Variants in FNBP1 observed in about 807,000 individuals in gnomAD.
FNBP1 encodes formin-binding protein 1.
In FNBP1, 26 loss-of-function variants were observed where a neutral mutation model predicts 90.6. The observed-to-expected ratio is 0.29, with a 90% CI of 0.21 to 0.40. The LOEUF (loss-of-function observed/expected upper bound fraction) is 0.40. Among genes scored for constraint, FNBP1 ranks in the 10% least tolerant of loss-of-function variants. FNBP1 has a pLI of 1.00. For synonymous variants in FNBP1, 260 were observed against 265.2 expected, an observed-to-expected ratio of 0.98 and a Z score of 0.19; for missense variants, 635 against 768.0, an observed-to-expected ratio of 0.83 and a Z score of 2.05.
In FNBP1 at chr9:129,896,044, G is replaced by C. The variant is rs765861031; in HGVS notation, c.1688-48C>G. On this transcript the variant is annotated intron_variant, in intron 15 of 16. Coordinates refer to ENST00000446176, the MANE Select transcript of FNBP1 (RefSeq NM_015033.3). ...TGTTAGATGTCTTGGCAAATGCAGG[G>C]AGGAAGCAAACAGTGGCCTTCGCAA... is the stretch of plus-strand genomic sequence containing the variant. The C allele has an allele frequency of 1.3e-5, 20 of 1,542,094 alleles. No homozygotes were observed. The South Asian group carries it at 1.5e-4, about 11-fold the overall frequency.
chr9:129,969,681 G>A (rs567176995), intron 4 of FNBP1, among the ~76,000 whole-genome samples: 159 of 151,798 alleles, frequency 1.0e-3, no homozygotes, highest in Admixed American at 3.7e-3. Flanking sequence ...AGGCCGACGC[G>A]GGAAGATTGC....
chr9:129,925,218 A>C, intron 8 of FNBP1, 61 bp from the exon 9 acceptor site: 2 of 1,387,210 alleles, frequency 1.4e-6, no homozygotes, highest in Non-Finnish European at 2.0e-6. Context: ...TTTTTAAACA[A>C]TGAATTGGCC....
At chr9:129,971,442 G>C (rs1018903020) in intron 4 of FNBP1, among the ~76,000 whole-genome samples, 1 of 152,000 alleles carries the variant, frequency 6.6e-6, no homozygotes, top group Non-Finnish European at 1.5e-5. Context: ...TCAGGCTGGA[G>C]TGCAGTGGTG....
intron 2 of FNBP1, among the ~76,000 whole-genome samples, chr9:129,983,448 CA>C (rs1193986049): frequency 6.6e-6 from 1 of 151,854 alleles, no homozygotes; most frequent in Non-Finnish European, 1.5e-5. Flanking sequence ...AGAACTGCTA[CA>C]AAAAAAAGAT....
intron 1 of FNBP1, chr9:130,013,765 T>G: frequency 2.2e-6 from 1 of 456,616 alleles, no homozygotes; most frequent in South Asian, 1.5e-5. Context: ...AAATAAAAGA[T>G]GGCAGAGCCC....
chr9:129,958,985 CAA>C (rs60640596), intron 4 of FNBP1, among the ~76,000 whole-genome samples: 93 of 9,152 alleles, frequency 0.01, 3 homozygotes, highest in Admixed American at 0.013. Context: ...AACTCTGCCT[CAA>C]AAAAAAAAAA....
At chr9:129,895,212 C>T (rs564584405) in intron 16 of FNBP1, 3 of 1,014,656 alleles carry the variant, frequency 3.0e-6, no homozygotes, top group East Asian at 5.2e-5. Flanking sequence ...ACAGGGTACT[C>T]GTGATGCCCT....
chr9:130,030,514 A>G (rs2058712642), intron 1 of FNBP1, among the ~76,000 whole-genome samples: 1 of 152,168 alleles, frequency 6.6e-6, no homozygotes, highest in Admixed American at 6.5e-5. Context: ...CAGGAAAGGA[A>G]TCACCTACAC....
chr9:129,926,982 CA>C (rs1394463426), intron 8 of FNBP1, among the ~76,000 whole-genome samples: 1 of 151,914 alleles, frequency 6.6e-6, no homozygotes, highest in African/African-American at 2.4e-5. Flanking sequence ...GGAAATACTT[CA>C]ATTCAATTCT....
At chr9:129,989,313 T>C (rs1414325327) in intron 2 of FNBP1, among the ~76,000 whole-genome samples, 1 of 152,202 alleles carries the variant, frequency 6.6e-6, no homozygotes, top group Non-Finnish European at 1.5e-5. Flanking sequence ...TGTGTCTCGT[T>C]CATTCAAGCA....
chr9:129,941,426 C>T (rs1234936974), intron 6 of FNBP1, among the ~76,000 whole-genome samples: 1 of 152,056 alleles, frequency 6.6e-6, no homozygotes, highest in Non-Finnish European at 1.5e-5. Context: ...AATAGAATGT[C>T]AAATTCCCAA....
chr9:129,892,301 C>T (rs1007133574), intron 16 of FNBP1, among the ~76,000 whole-genome samples: 8 of 150,358 alleles, frequency 5.3e-5, no homozygotes, highest in Non-Finnish European at 1.2e-4. Flanking sequence ...AGTCACAATC[C>T]AATTGACCCA....
intron 1 of FNBP1, among the ~76,000 whole-genome samples, chr9:130,040,573 A>G (rs1314313600): frequency 1.3e-5 from 2 of 150,832 alleles, no homozygotes; most frequent in African/African-American, 4.9e-5. Flanking sequence ...GTGAGCCGAG[A>G]TCACGCCACT....
intron 3 of FNBP1, 52 bp from the exon 4 acceptor site, chr9:129,978,664 A>T (rs140777766): frequency 5.1e-6 from 8 of 1,569,612 alleles, no homozygotes; most frequent in Non-Finnish European, 6.1e-6. Flanking sequence ...ACATTCATTC[A>T]TATTCTGCTT....
chr9:130,001,320 A>AC (rs1197032574), intron 1 of FNBP1, among the ~76,000 whole-genome samples: 1 of 16,220 alleles, frequency 6.2e-5, no homozygotes, highest in East Asian at 0.029. Context: ...TCAAAAAAAC[A>AC]AAACAAAACA....
At chr9:130,045,999 G>C (rs2060057716), upstream of FNBP1, among the ~76,000 whole-genome samples, 1 of 151,958 alleles carries the variant, frequency 6.6e-6, no homozygotes, top group South Asian at 2.1e-4. Context: ...GGTTAATCTG[G>C]GTTGCAGATA....
At chr9:129,895,167 G>T in intron 16 of FNBP1, 1 of 729,946 alleles carries the variant, frequency 1.4e-6, no homozygotes, top group Non-Finnish European at 1.7e-6. Context: ...AACTTTTCCA[G>T]ATTTCAGCTG....
At position 130,041,961 on chromosome 9, in the gene FNBP1, G is replaced by A. The variant is rs1331579389; in HGVS notation, c.24+991C>T. 1.3e-5 allele frequency among the ~76,000 whole-genome samples: 2 copies of A among 152,124 alleles called. No individual in the cohort carries two copies. The highest frequency in any genetic ancestry group is 4.8e-5 in the African/African-American group (2 of 41,406). Reference sequence around the variant, plus strand: ...CACTTTAGAGTTCATCCTGGGAAATGGCTCATCTTGAGGGCATTTCAGTGC... The same window carrying A: ...CACTTTAGAGTTCATCCTGGGAAATAGCTCATCTTGAGGGCATTTCAGTGC... On this transcript the variant is annotated intron_variant, in intron 1 of 16. Transcript: ENST00000446176. This position sits in a 1 kb window ranked among gnomAD's most constrained non-coding sequence, Gnocchi z 4.3.
At position 129,900,281 on chromosome 9, in the gene FNBP1, T is replaced by C. The variant is rs1239806333; in HGVS notation, c.1550+145A>G. 1 of 1,114,830 alleles carries C rather than the reference T, an allele frequency of 9.0e-7. No individual in the cohort carries two copies. Among genetic ancestry groups the C allele is most frequent in the East Asian group, 2.9e-5 (1 of 34,916 alleles). The allele number at this position is 1,114,830 out of a possible 1,614,324, so 69.1% of individuals were successfully genotyped here. ...TCCCATGTGGAATTATAAATCTGCA[T>C]CATGGAAAAAGTGACAGGTCAATCG... On this transcript the variant is annotated intron_variant, in intron 14 of 16. Transcript: ENST00000446176. This position sits in a 1 kb window ranked among gnomAD's most constrained non-coding sequence, Gnocchi z 4.1.
Sources: allele counts gnomAD v4.1 joint callset (sites outside exome capture counted in the v4.1 genomes callset), GRCh38; gene constraint gnomAD v4.1.1; non-coding constraint Gnocchi (gnomAD v3.1); transcripts MANE v1.5; gene names NCBI Gene and HGNC (gene_info 2026-07-23, HGNC 2026-07-21).